NRXN3: variants seen among roughly 807,000 people sequenced by gnomAD.
The protein encoded by NRXN3 is neurexin 3.
Under a neutral mutation model 137.6 loss-of-function variants are expected in NRXN3, and 32 were observed. The observed-to-expected ratio is 0.23, with a 90% CI of 0.18 to 0.31. The LOEUF is 0.31. Among genes scored for constraint, NRXN3 ranks in the 10% least tolerant of loss-of-function variants. The pLI is 1.00. For missense variants in NRXN3, 1,574 were observed against 2,062.5 expected, an observed-to-expected ratio of 0.76 and a Z score of 4.59; for synonymous variants, 798 against 784.5, an observed-to-expected ratio of 1.02 and a Z score of -0.29.
At chr14:78,685,603 G>A (rs2098118108) in intron 6 of NRXN3, among the ~76,000 whole-genome samples, 1 of 141,082 alleles carries the variant, frequency 7.1e-6, no homozygotes, top group Non-Finnish European at 1.5e-5. Context: ...GTTCTCTCAT[G>A]TTTCCAAAGC....
chr14:78,227,851 A>T (rs1335029871), intron 1 of NRXN3, among the ~76,000 whole-genome samples: 1 of 152,224 alleles, frequency 6.6e-6, no homozygotes, highest in African/African-American at 2.4e-5. Flanking sequence ...CTGGGATGAC[A>T]GTTCTATTCT....
chr14:79,070,237 CTA>C (rs1222296737), intron 15 of NRXN3, among the ~76,000 whole-genome samples: 1 of 152,178 alleles, frequency 6.6e-6, no homozygotes, highest in Non-Finnish European at 1.5e-5. Context: ...AAACACAACT[CTA>C]TGTGATTCTA....
At chr14:79,047,664 A>G (rs1001822066) in intron 15 of NRXN3, among the ~76,000 whole-genome samples, 4 of 152,218 alleles carry the variant, frequency 2.6e-5, no homozygotes, top group Non-Finnish European at 5.9e-5. Flanking sequence ...TGAATGGTCA[A>G]TAGTCCCATG....
chr14:78,550,358 C>A (rs1188232661), intron 4 of NRXN3, among the ~76,000 whole-genome samples: 1 of 152,080 alleles, frequency 6.6e-6, no homozygotes, highest in African/African-American at 2.4e-5. Flanking sequence ...CTTCTATGAC[C>A]CTTTCTTTCT....
At chr14:78,848,301 T>G (rs772413514) in intron 10 of NRXN3, among the ~76,000 whole-genome samples, 38 of 152,138 alleles carry the variant, frequency 2.5e-4, no homozygotes, top group Non-Finnish European at 4.4e-4. Flanking sequence ...AATTTGAGTG[T>G]TCCATGTTCT....
intron 15 of NRXN3, among the ~76,000 whole-genome samples, chr14:79,435,295 T>A (rs2095827016): frequency 7.2e-6 from 1 of 138,570 alleles, no homozygotes; most frequent in South Asian, 2.6e-4. Context: ...AGGAGGAAAT[T>A]TGCTCAAAAA....
intron 19 of NRXN3, among the ~76,000 whole-genome samples, chr14:79,797,348 T>A (rs1402251987): frequency 4.6e-5 from 7 of 152,178 alleles, no homozygotes; most frequent in Admixed American, 3.3e-4. Context: ...AAGTAATAGC[T>A]GGAAGAACCC....
At chr14:78,888,343 G>T (rs568220354) in intron 10 of NRXN3, among the ~76,000 whole-genome samples, 2 of 151,822 alleles carry the variant, frequency 1.3e-5, no homozygotes, top group African/African-American at 4.8e-5. Context: ...TGAATTCTGA[G>T]TATCCAGAAT....
chr14:78,524,376 G>A (rs1299060241), intron 4 of NRXN3, among the ~76,000 whole-genome samples: 1 of 152,226 alleles, frequency 6.6e-6, no homozygotes, highest in Non-Finnish European at 1.5e-5. Flanking sequence ...GCATGTGTAT[G>A]TCTATTAACA....
intron 6 of NRXN3, among the ~76,000 whole-genome samples, chr14:78,703,266 G>A (rs895458755): frequency 2.0e-5 from 3 of 152,342 alleles, no homozygotes; most frequent in South Asian, 4.1e-4. Flanking sequence ...TGATGAGTGA[G>A]TGGAGTGGAC....
chr14:78,625,896 C>T (rs926944281), intron 4 of NRXN3, among the ~76,000 whole-genome samples: 4 of 152,248 alleles, frequency 2.6e-5, no homozygotes, highest in Admixed American at 1.3e-4. Flanking sequence ...TTTTGATCCT[C>T]GATGCTACCT....
intron 16 of NRXN3, among the ~76,000 whole-genome samples, chr14:79,514,184 C>T (rs928101920): frequency 7.5e-6 from 1 of 134,172 alleles, no homozygotes; most frequent in Non-Finnish European, 1.6e-5. Flanking sequence ...TATCCACCAC[C>T]CCCTCCCCCC....
chr14:79,509,541 ATG>A (rs35117475), intron 16 of NRXN3, among the ~76,000 whole-genome samples: 3 of 148,762 alleles, frequency 2.0e-5, no homozygotes. Context: ...TATTATATAT[ATG>A]TGTGTGTGTG....
chr14:79,100,484 C>A (rs979933871), intron 15 of NRXN3, among the ~76,000 whole-genome samples: 4 of 152,202 alleles, frequency 2.6e-5, no homozygotes, highest in Non-Finnish European at 4.4e-5. Context: ...GTGATTGATA[C>A]TAAAACATCT....
At chr14:78,758,207 T>C (rs966984528) in intron 8 of NRXN3, among the ~76,000 whole-genome samples, 1 of 152,224 alleles carries the variant, frequency 6.6e-6, no homozygotes, top group Non-Finnish European at 1.5e-5. Context: ...GGTCAGTTAA[T>C]GTATCTGAGC....
At chr14:78,923,531 T>G (rs181113744) in intron 10 of NRXN3, among the ~76,000 whole-genome samples, 4 of 152,368 alleles carry the variant, frequency 2.6e-5, no homozygotes, top group Admixed American at 2.6e-4. Context: ...ATGTGCTATT[T>G]TGTATATTAG....
At chr14:78,397,021 T>C (rs1382298892) in intron 4 of NRXN3, among the ~76,000 whole-genome samples, 2 of 152,186 alleles carry the variant, frequency 1.3e-5, no homozygotes, top group African/African-American at 4.8e-5. Context: ...ATGACCTCAT[T>C]TAATCCTAAT....
intron 14 of NRXN3, among the ~76,000 whole-genome samples, chr14:78,981,741 A>G (rs2099490004): frequency 6.6e-6 from 1 of 152,186 alleles, no homozygotes; most frequent in African/African-American, 2.4e-5. Context: ...TGATTTGTAC[A>G]AGATTATTTT....
chr14:79,277,357 G>A (rs1030965918), intron 15 of NRXN3, among the ~76,000 whole-genome samples: 1 of 152,206 alleles, frequency 6.6e-6, no homozygotes, highest in South Asian at 2.1e-4. Flanking sequence ...GCCGCCTTAA[G>A]GCCAAAAGTG....
Sources: allele counts gnomAD v4.1 joint callset (sites outside exome capture counted in the v4.1 genomes callset), GRCh38; gene constraint gnomAD v4.1.1; transcripts MANE v1.5; gene names NCBI Gene and HGNC (gene_info 2026-07-23, HGNC 2026-07-21).